KCNC2: variants seen among roughly 807,000 people sequenced by gnomAD.
The protein encoded by KCNC2 is potassium voltage-gated channel subfamily C member 2.
In KCNC2, 21 loss-of-function variants were observed where a neutral mutation model predicts 44.5. That is an observed-to-expected ratio of 0.47 (90% confidence interval 0.33 to 0.68). The LOEUF (loss-of-function observed/expected upper bound fraction) is 0.68, where lower values mean the gene tolerates loss of function less well. Ranked by LOEUF, KCNC2 falls within the 30% of genes least tolerant of loss-of-function variation. KCNC2 has a pLI of 0.01. For synonymous variants in KCNC2, 391 were observed against 339.1 expected (o/e 1.15, Z -1.68); for missense variants, 589 against 826.2 (o/e 0.71, Z 3.52).
At chr12:75,127,417 T>C (rs1888509698) in intron 2 of KCNC2, among the ~76,000 whole-genome samples, 1 of 152,104 alleles carries the variant, frequency 6.6e-6, no homozygotes, top group Admixed American at 6.6e-5. Context: ...ATTATTTCAT[T>C]CTAGTGATTG....
chr12:75,056,313 A>T (rs1881741178), intron 2 of KCNC2, among the ~76,000 whole-genome samples: 2 of 152,052 alleles, frequency 1.3e-5, no homozygotes, highest in Non-Finnish European at 2.9e-5. Context: ...ATAAAGGAAG[A>T]AAAACTTAAA....
chr12:75,097,796 A>T (rs1886061731), intron 2 of KCNC2, among the ~76,000 whole-genome samples: 1 of 152,078 alleles, frequency 6.6e-6, no homozygotes, highest in African/African-American at 2.4e-5. Context: ...TGGGAAAAAA[A>T]ATTAACATCT....
At chr12:75,070,225 G>A (rs542124356) in intron 2 of KCNC2, among the ~76,000 whole-genome samples, 156 of 152,114 alleles carry the variant, frequency 1.0e-3, no homozygotes, top group Non-Finnish European at 1.7e-3. Context: ...CGAGGCAGGC[G>A]GATTGCTTGA....
At position 75,041,141 on chromosome 12, in the gene KCNC2, T is replaced by C. The variant is rs1463292544; in HGVS notation, c.*1964A>G. Reference sequence around the variant, plus strand: ...AGAAGTCTGTTTCCAGTATAGTCCTTGGTATGGCTAAATTCCACTGTCCCT... The same window carrying C: ...AGAAGTCTGTTTCCAGTATAGTCCTCGGTATGGCTAAATTCCACTGTCCCT... On this transcript the variant is annotated 3_prime_UTR_variant, in exon 5 of 5. Coordinates refer to ENST00000549446, the MANE Select transcript of KCNC2 (RefSeq NM_139137.4). 1.9e-6 allele frequency: 3 copies of C among 1,596,796 alleles called. No individual in the cohort carries two copies. Among genetic ancestry groups the C allele is most frequent in the East Asian group, 2.2e-5 (1 of 44,810 alleles).
At chr12:75,182,085 T>C (rs554213249) in intron 2 of KCNC2, among the ~76,000 whole-genome samples, 1 of 151,576 alleles carries the variant, frequency 6.6e-6, no homozygotes, top group East Asian at 2.0e-4. Context: ...CAGAGGCACA[T>C]AGGTAGTTAA....
intron 2 of KCNC2, among the ~76,000 whole-genome samples, chr12:75,065,804 A>G (rs1882775772): frequency 6.6e-6 from 1 of 152,184 alleles, no homozygotes; most frequent in Admixed American, 6.5e-5. Flanking sequence ...GTTAAGCAAT[A>G]CATGACTGCA....
intron 2 of KCNC2, among the ~76,000 whole-genome samples, chr12:75,094,891 A>T (rs2137149103): frequency 6.6e-6 from 1 of 151,936 alleles, no homozygotes; most frequent in Middle Eastern, 3.4e-3. Context: ...TGTCACAATA[A>T]GGTAGAAAAC....
chr12:75,190,071 T>C (rs1355773147), intron 2 of KCNC2, among the ~76,000 whole-genome samples: 1 of 152,236 alleles, frequency 6.6e-6, no homozygotes, highest in Non-Finnish European at 1.5e-5. Context: ...CAGTCTGCTA[T>C]GCACATTAAA....
rs199559561 is a variant in KCNC2 at position 75,048,217 on chromosome 12, C to T, written c.1716G>A (p.Gly572=). 8.7e-6 allele frequency: 14 copies of T among 1,612,816 alleles called. No homozygotes were observed. The highest frequency in any genetic ancestry group is 1.1e-5 in the Non-Finnish European group (13 of 1,179,340). Residue 572 remains glycine, a synonymous_variant, in exon 4 of 5, where the codon GGG becomes GGA. Coordinates refer to ENST00000549446, the MANE Select transcript of KCNC2 (RefSeq NM_139137.4). ...CTGTCGTCAGTAGGAAACATGTTTC[C>T]CCTCTTCTGTTTTTGTCTCTGGTAC... is the stretch of plus-strand genomic sequence containing the variant. ...RSSTRDKNRR[G]ETCFLLTTGD...
intron 2 of KCNC2, among the ~76,000 whole-genome samples, chr12:75,156,327 A>G (rs111231838): frequency 6.6e-6 from 1 of 151,788 alleles, no homozygotes; most frequent in African/African-American, 2.4e-5. Flanking sequence ...AAAATATTTT[A>G]TGACACAGAA....
intron 2 of KCNC2, among the ~76,000 whole-genome samples, chr12:75,161,834 C>T (rs1276551138): frequency 6.6e-6 from 1 of 151,632 alleles, no homozygotes; most frequent in African/African-American, 2.4e-5. Context: ...TCCTATGAGA[C>T]ATTAAACTAT....
rs543742788 is a variant in KCNC2 at position 75,109,622 on chromosome 12, C to A, written c.688-58305G>T. Among the ~76,000 whole-genome samples the A allele has an allele frequency of 8.5e-5, 13 of 152,150 alleles. 1 individual carries two copies. In the South Asian group the frequency reaches 2.7e-3, roughly 32 times the overall value. On this transcript the variant is annotated intron_variant, in intron 2 of 4. Transcript: ENST00000549446. ...AGATCGTGATCATAAGATTTTAAGT[C>A]CCCTGTCTATTCACCTGTGTCCCAG...
At chr12:75,103,784 G>C (rs1460092549) in intron 2 of KCNC2, among the ~76,000 whole-genome samples, 2 of 152,126 alleles carry the variant, frequency 1.3e-5, no homozygotes, top group Non-Finnish European at 2.9e-5. Context: ...TTAATGCTAA[G>C]TTAGACACAG....
chr12:75,072,940 A>G (rs2137042792), intron 2 of KCNC2, among the ~76,000 whole-genome samples: 1 of 152,286 alleles, frequency 6.6e-6, no homozygotes, highest in Middle Eastern at 3.4e-3. Context: ...AAGTGGGCAA[A>G]ATGGTGCCCA....
intron 2 of KCNC2, among the ~76,000 whole-genome samples, chr12:75,133,809 C>T (rs549142895): frequency 3.2e-4 from 49 of 151,988 alleles, no homozygotes; most frequent in African/African-American, 1.2e-3. Flanking sequence ...TCTTATAGAA[C>T]ATATATCCTG....
Position 75,175,387 on chromosome 12 carries a change from A to C in KCNC2, c.687+31910T>G, listed in dbSNP as rs528858753. Among the ~76,000 whole-genome samples, 10 of 152,182 alleles carry C rather than the reference A, an allele frequency of 6.6e-5. 1 individual carries two copies. Among genetic ancestry groups the C allele is most frequent in the African/African-American group, 2.4e-4 (10 of 41,556 alleles). The stretch of plus-strand genomic sequence containing the variant: ...GGCAAATAAGTTCCTATGGGAGCTC[A>C]AGAAAGTAGAGATTATATATGTGGG... On this transcript the variant is annotated intron_variant, in intron 2 of 4. Coordinates refer to ENST00000549446, the MANE Select transcript of KCNC2 (RefSeq NM_139137.4).
intron 2 of KCNC2, among the ~76,000 whole-genome samples, chr12:75,189,315 G>C (rs570885502): frequency 1.3e-5 from 2 of 152,094 alleles, no homozygotes; most frequent in African/African-American, 4.8e-5. Flanking sequence ...TACAACCAGC[G>C]GTGTAACAGA....
chr12:75,070,692 A>T (rs1443467243), intron 2 of KCNC2, among the ~76,000 whole-genome samples: 1 of 151,892 alleles, frequency 6.6e-6, no homozygotes, highest in Non-Finnish European at 1.5e-5. Context: ...ATATAAATGC[A>T]TTATTAATAT....
chr12:75,066,246 TATC>T (rs1882822239), intron 2 of KCNC2, among the ~76,000 whole-genome samples: 2 of 152,158 alleles, frequency 1.3e-5, no homozygotes, highest in African/African-American at 2.4e-5. Context: ...AATTTTATTA[TATC>T]ATTTCTAATA....
Sources: allele counts gnomAD v4.1 joint callset (sites outside exome capture counted in the v4.1 genomes callset), GRCh38; gene constraint gnomAD v4.1.1; transcripts MANE v1.5; gene names NCBI Gene and HGNC (gene_info 2026-07-23, HGNC 2026-07-21).